The following TSGA10 variants were observed in gnomAD, a reference collection of about 807,000 sequenced individuals.
The protein encoded by TSGA10 is testis specific 10, also known as testis-specific gene 10 protein.
TSGA10 carries 43 observed loss-of-function variants against 96.6 expected under a neutral mutation model. That is an observed-to-expected ratio of 0.44 (90% CI 0.35 to 0.57). The LOEUF is 0.57. Ranked by LOEUF, TSGA10 falls within the 20% of genes least tolerant of loss-of-function variation. The probability of loss-of-function intolerance (pLI) is 0.01; values close to 1 mark genes in which losing one functional copy is unlikely to be tolerated. For missense variants in TSGA10, 703 were observed against 834.4 expected, an observed-to-expected ratio of 0.84 and a Z score of 1.94; for synonymous variants, 229 against 269.9, an observed-to-expected ratio of 0.85 and a Z score of 1.48.
At chr2:99,091,863 CAAGA>C (rs1226983181) in intron 10 of TSGA10, among the ~76,000 whole-genome samples, 8 of 152,204 alleles carry the variant, frequency 5.3e-5, no homozygotes, top group Non-Finnish European at 1.2e-4. Flanking sequence ...GACAGGTCAT[CAAGA>C]AAGAAAGTCA....
intron 20 of TSGA10, among the ~76,000 whole-genome samples, chr2:99,008,191 T>C (rs979831491): frequency 2.0e-5 from 3 of 152,200 alleles, no homozygotes; most frequent in Non-Finnish European, 2.9e-5. Flanking sequence ...AAGGAAAAGC[T>C]TTAAAATCTG....
intron 1 of TSGA10, among the ~76,000 whole-genome samples, chr2:99,128,184 G>A (rs539421776): frequency 1.1e-4 from 16 of 152,256 alleles, no homozygotes; most frequent in African/African-American, 3.4e-4. Flanking sequence ...CTGACCTTAT[G>A]ATGCACTCTG....
chr2:99,095,140 C>G (rs551931990), intron 10 of TSGA10, among the ~76,000 whole-genome samples: 24 of 152,222 alleles, frequency 1.6e-4, no homozygotes, highest in African/African-American at 5.5e-4. Context: ...AGGGAAGTAA[C>G]TCAGGAATGG....
intron 17 of TSGA10, among the ~76,000 whole-genome samples, chr2:99,024,190 A>G (rs927918925): frequency 6.6e-6 from 1 of 152,046 alleles, no homozygotes; most frequent in African/African-American, 2.4e-5. Context: ...CCCTGGTTCA[A>G]GCGATTCTCC....
chr2:99,117,822 T>C (rs2092356602), intron 3 of TSGA10, 63 bp from the exon 4 acceptor site: 1 of 803,006 alleles, frequency 1.2e-6, no homozygotes, highest in African/African-American at 1.9e-5. Context: ...GGGGAGCAGC[T>C]GTGTGACTGG....
At chr2:99,139,528 A>C (rs1039514866) in intron 1 of TSGA10, among the ~76,000 whole-genome samples, 1 of 152,214 alleles carries the variant, frequency 6.6e-6, no homozygotes, top group Non-Finnish European at 1.5e-5. Context: ...TATTGTCTCC[A>C]AAAGTGTAGA....
intron 1 of TSGA10, among the ~76,000 whole-genome samples, chr2:99,148,835 TTGGGA>T (rs1329463667): frequency 6.6e-6 from 1 of 151,960 alleles, no homozygotes; most frequent in Non-Finnish European, 1.5e-5. Context: ...GAGTTTCTGT[TTGGGA>T]TGATTAAAAG....
intron 10 of TSGA10, among the ~76,000 whole-genome samples, chr2:99,090,713 AACAAAG>A (rs1368395145): frequency 2.0e-5 from 3 of 152,184 alleles, no homozygotes; most frequent in African/African-American, 7.2e-5. Context: ...AACCCAATCC[AACAAAG>A]ACAAAGAAAA....
chr2:99,008,416 TA>T (rs1392293756), intron 20 of TSGA10, among the ~76,000 whole-genome samples: 1 of 152,150 alleles, frequency 6.6e-6, no homozygotes, highest in Non-Finnish European at 1.5e-5. Flanking sequence ...GATATAATAA[TA>T]GCCCTTAAAC....
Position 99,118,589 on chromosome 2 carries a change from G to C in TSGA10, c.-394C>G, listed in dbSNP as rs11688004. The C allele has an allele frequency of 4.1e-6, 4 of 982,714 alleles. No individual in the cohort carries two copies. The highest frequency in any genetic ancestry group is 4.8e-6 in the Non-Finnish European group (4 of 828,284). 60.9% of individuals were successfully genotyped at this position (982,714 alleles called of 1,614,324 possible). ...ATATCAAATCAATCAAGTATTTGCT[G>C]CCTAATGTGGAGGAACACAGCTTTC... On this transcript the variant is annotated 5_prime_UTR_variant, in exon 3 of 21. Coordinates refer to ENST00000393483, the MANE Select transcript of TSGA10 (RefSeq NM_025244.4).
At chr2:99,112,595 CAT>C (rs1352123559) in intron 4 of TSGA10, among the ~76,000 whole-genome samples, 5 of 151,926 alleles carry the variant, frequency 3.3e-5, no homozygotes, top group African/African-American at 9.7e-5. Flanking sequence ...GGAAGTCAAT[CAT>C]GTGAAAATCT....
intron 10 of TSGA10, among the ~76,000 whole-genome samples, chr2:99,095,967 T>C (rs561500334): frequency 6.6e-6 from 1 of 152,302 alleles, no homozygotes; most frequent in Non-Finnish European, 1.5e-5. Context: ...TCAGTACGTA[T>C]GTAGGCAGCC....
intron 20 of TSGA10, among the ~76,000 whole-genome samples, chr2:99,007,119 G>A (rs1029078261): frequency 4.5e-4 from 68 of 151,474 alleles, no homozygotes; most frequent in Middle Eastern, 6.8e-3. Context: ...AGGAAGGGGA[G>A]CATCATACAC....
chr2:99,126,556 T>A (rs150204470), intron 2 of TSGA10: 1 of 152,674 alleles, frequency 6.5e-6, no homozygotes, highest in Non-Finnish European at 1.5e-5. Flanking sequence ...GTAAGTCTAC[T>A]CTATCTTCCT....
chr2:99,099,520 A>T (rs1403906879), intron 10 of TSGA10, among the ~76,000 whole-genome samples: 1 of 152,180 alleles, frequency 6.6e-6, no homozygotes, highest in Non-Finnish European at 1.5e-5. Flanking sequence ...GCAAGTTCAC[A>T]TTTTAACAGA....
intron 10 of TSGA10, among the ~76,000 whole-genome samples, chr2:99,092,958 A>G (rs1032051034): frequency 2.6e-5 from 4 of 152,126 alleles, no homozygotes; most frequent in African/African-American, 4.8e-5. Flanking sequence ...AAAACATGAA[A>G]CTATAGACCA....
chr2:99,026,842 C>T (rs1369594273), intron 17 of TSGA10, among the ~76,000 whole-genome samples: 1 of 152,204 alleles, frequency 6.6e-6, no homozygotes, highest in African/African-American at 2.4e-5. Flanking sequence ...AAATGGAATA[C>T]TATACAGCAG....
intron 1 of TSGA10, chr2:99,141,125 C>T (rs2093529125): frequency 3.9e-6 from 5 of 1,280,860 alleles, no homozygotes; most frequent in Non-Finnish European, 5.1e-6. Flanking sequence ...GCCCGCCGTC[C>T]TGCCCAGAGC....
intron 1 of TSGA10, chr2:99,141,787 G>A (rs984232346): frequency 6.5e-6 from 1 of 152,758 alleles, no homozygotes; most frequent in East Asian, 1.9e-4. Context: ...CCCAGGGCTT[G>A]GGCATCATTC....
Sources: gnomAD v4.1 joint callset for allele counts (sites outside exome capture counted in the v4.1 genomes callset) on GRCh38, gnomAD v4.1.1 for gene constraint, MANE v1.5 for transcripts, NCBI Gene and HGNC (gene_info 2026-07-23, HGNC 2026-07-21) for gene names.